SS18: variants seen among roughly 807,000 people sequenced by gnomAD.
SS18 encodes the protein protein SSXT.
A neutral mutation model predicts 72.5 loss-of-function variants in SS18; 28 were observed. The observed-to-expected ratio is 0.39, with a 90% confidence interval of 0.29 to 0.53. The LOEUF is 0.53. Ranked by LOEUF, SS18 falls within the 20% of genes least tolerant of loss-of-function variation. The pLI is 0.76. For synonymous variants in SS18, 172 were observed against 164.2 expected (o/e 1.05, Z -0.37); for missense variants, 518 against 535.3 (o/e 0.97, Z 0.32).
At chr18:26,042,720 C>A (rs1027844111) in intron 5 of SS18, among the ~76,000 whole-genome samples, 12 of 151,708 alleles carry the variant, frequency 7.9e-5, no homozygotes, top group African/African-American at 2.9e-4. Flanking sequence ...ACACCCCAGG[C>A]TAGGAGCCAT....
intron 1 of SS18, chr18:26,089,643 G>A (rs2054679026): frequency 2.0e-5 from 3 of 152,262 alleles, no homozygotes; most frequent in Admixed American, 2.0e-4. Context: ...CAGGCAACAA[G>A]GGGTAGAGGA....
At chr18:26,080,368 G>A (rs1184478044) in intron 2 of SS18, 10 of 985,410 alleles carry the variant, frequency 1.0e-5, no homozygotes, top group Non-Finnish European at 1.2e-5. Flanking sequence ...CACGACATGA[G>A]ATTTTCTGAG....
chr18:26,029,806 G>C (rs1398573805), intron 10 of SS18, among the ~76,000 whole-genome samples: 1 of 152,084 alleles, frequency 6.6e-6, no homozygotes, highest in South Asian at 2.1e-4. Context: ...AGACGTGAAC[G>C]AACTATTTTT....
chr18:26,032,318 T>C, intron 10 of SS18, 81 bp downstream of exon 10: 1 of 1,523,312 alleles, frequency 6.6e-7, no homozygotes, highest in South Asian at 1.2e-5. Context: ...GGCTTCAAGT[T>C]AAATAAATTT....
rs1306877523 is a variant in SS18, at chr18:26,017,895, G to A, written c.*459C>T. On this transcript the variant is annotated 3_prime_UTR_variant, in exon 11 of 11. Transcript: ENST00000415083. ...TTTCTGATGCTGTCCAGTGCGTAGT[G>A]TACCGCCTTGCATATTCACCACATG... The A allele has an allele frequency of 5.5e-5, 13 of 235,644 alleles. 1 individual carries two copies. The highest frequency in any genetic ancestry group is 2.7e-4 in the Admixed American group (5 of 18,308). 14.6% of individuals were successfully genotyped at this position (235,644 alleles called of 1,614,324 possible).
intron 5 of SS18, among the ~76,000 whole-genome samples, chr18:26,039,872 G>A (rs1041415812): frequency 6.6e-5 from 10 of 152,006 alleles, no homozygotes; most frequent in Non-Finnish European, 1.2e-4. Context: ...GCAAAACAGT[G>A]GTCAAACTAA....
intron 2 of SS18, among the ~76,000 whole-genome samples, chr18:26,085,252 T>G (rs2054596723): frequency 6.6e-6 from 1 of 152,198 alleles, no homozygotes; most frequent in African/African-American, 2.4e-5. Flanking sequence ...CAGGCTGTTC[T>G]CAAACTCATG....
chr18:26,077,704 T>C (rs966088246), intron 3 of SS18, among the ~76,000 whole-genome samples: 2 of 152,164 alleles, frequency 1.3e-5, no homozygotes, highest in Admixed American at 1.3e-4. Flanking sequence ...TTAACTTAGT[T>C]GGGTATGAGA....
At chr18:26,068,260 TTTC>T (rs1568022295) in intron 3 of SS18, 1 of 152,188 alleles carries the variant, frequency 6.6e-6, no homozygotes, top group African/African-American at 2.4e-5. Flanking sequence ...ATATAGATGC[TTTC>T]TTTTTTTTAC....
At chr18:26,075,483 A>C (rs1014093902) in intron 3 of SS18, among the ~76,000 whole-genome samples, 1 of 151,954 alleles carries the variant, frequency 6.6e-6, no homozygotes, top group African/African-American at 2.4e-5. Flanking sequence ...AAAAAGTCTT[A>C]TAATCATCTC....
chr18:26,039,244 C>T (rs777963389), intron 6 of SS18, 45 bp downstream of exon 6: 1 of 1,462,488 alleles, frequency 6.8e-7, no homozygotes, highest in Non-Finnish European at 9.3e-7. Flanking sequence ...AAATTTAAAG[C>T]CTTTCAATTA....
intron 10 of SS18, among the ~76,000 whole-genome samples, chr18:26,018,942 C>T (rs768632094): frequency 6.6e-6 from 1 of 151,818 alleles, no homozygotes; most frequent in Non-Finnish European, 1.5e-5. Flanking sequence ...TTAGACAGGC[C>T]ACAGGGACAT....
chr18:26,020,572 A>G (rs545018686), intron 10 of SS18, among the ~76,000 whole-genome samples: 5 of 152,340 alleles, frequency 3.3e-5, no homozygotes, highest in Admixed American at 3.3e-4. Context: ...TGTATACCAA[A>G]TAAATTATAT....
At chr18:26,046,213 A>G (rs1312083245) in intron 5 of SS18, among the ~76,000 whole-genome samples, 1 of 137,332 alleles carries the variant, frequency 7.3e-6, no homozygotes, top group Admixed American at 7.0e-5. Flanking sequence ...AAAAAAAAAG[A>G]AGTAGAAAAA....
In SS18 at chr18:26,018,066, C is replaced by A; in HGVS notation, c.*288G>T. ...TTCACACCTTTCAGTCTGTAACAGT[C>A]CATTTGAAACACAGTTCCAAAATCA... On this transcript the variant is annotated 3_prime_UTR_variant, in exon 11 of 11. Transcript: ENST00000415083. 1 of 325,398 alleles carries A rather than the reference C, an allele frequency of 3.1e-6. No homozygotes were observed. The allele number at this position is 325,398 out of a possible 1,614,324, so 20.2% of individuals were successfully genotyped here.
At chr18:26,081,932 C>G (rs541721174) in intron 2 of SS18, among the ~76,000 whole-genome samples, 1 of 152,122 alleles carries the variant, frequency 6.6e-6, no homozygotes, top group East Asian at 1.9e-4. Context: ...GTGGCACGCA[C>G]CTGTAGTCCC....
At chr18:26,090,765 G>T, upstream of SS18, 1 of 616,028 alleles carries the variant, frequency 1.6e-6, no homozygotes, top group Non-Finnish European at 2.8e-6. Flanking sequence ...TGCGCACTCT[G>T]GGGGACCCCT....
intron 10 of SS18, among the ~76,000 whole-genome samples, chr18:26,022,787 T>C (rs2053375502): frequency 6.6e-6 from 1 of 152,196 alleles, no homozygotes; most frequent in African/African-American, 2.4e-5. Flanking sequence ...TATGCAAATG[T>C]GTGAGGAAAA....
Position 26,057,731 on chromosome 18 carries a change from C to A in SS18, c.243G>T (p.Gln81His). The stretch of plus-strand genomic sequence containing the variant: ...TCCCTCCAGGACCCATAGGCATATT[C>A]TGTGTGGGTGGCTGAAAGAAGACAG... The part of the protein sequence containing the change: ...MQSLLPAPPT[Q>H]NMPMGPGGMN... The change falls in exon 4 of 11, where the codon CAG becomes CAT. Residue 81 changes from glutamine (Q) to histidine (H), a missense_variant. Gln to His is a conservative substitution (Grantham distance 24, BLOSUM62 0). Transcript: ENST00000415083. 3 of 1,603,192 alleles carry A rather than the reference C, an allele frequency of 1.9e-6. No individual in the cohort carries two copies. The highest frequency in any genetic ancestry group is 1.1e-5 in the South Asian group (1 of 89,868).
Sources: allele counts gnomAD v4.1 joint callset (sites outside exome capture counted in the v4.1 genomes callset), GRCh38; gene constraint gnomAD v4.1.1; transcripts MANE v1.5; gene names NCBI Gene and HGNC (gene_info 2026-07-23, HGNC 2026-07-21).